ZDHHC14: variants seen among roughly 807,000 people sequenced by gnomAD.
ZDHHC14 encodes palmitoyltransferase ZDHHC14.
A neutral mutation model predicts 47.7 loss-of-function variants in ZDHHC14; 16 were observed. The observed-to-expected ratio is 0.34, with a 90% confidence interval of 0.23 to 0.51. The LOEUF (loss-of-function observed/expected upper bound fraction) is 0.51. Among genes scored for constraint, ZDHHC14 ranks in the 20% least tolerant of loss-of-function variants. ZDHHC14 has a pLI of 0.97. For missense variants in ZDHHC14, 515 were observed against 662.5 expected (o/e 0.78, Z 2.44); for synonymous variants, 293 against 278.9 (o/e 1.05, Z -0.50).
chr6:157,465,452 A>G (rs1287227470), intron 1 of ZDHHC14, among the ~76,000 whole-genome samples: 4 of 152,120 alleles, frequency 2.6e-5, no homozygotes, highest in Non-Finnish European at 5.9e-5. Flanking sequence ...CATTAAAACA[A>G]TGGCCACCCC....
intron 1 of ZDHHC14, among the ~76,000 whole-genome samples, chr6:157,452,020 G>T (rs1433795539): frequency 1.3e-5 from 2 of 152,164 alleles, no homozygotes; most frequent in Non-Finnish European, 1.5e-5. Flanking sequence ...GAGCTCTTAT[G>T]AATAATCCGG....
Position 157,673,171 on chromosome 6 carries a change from C to A in ZDHHC14, c.*49C>A, listed in dbSNP as rs1443589905. 2.0e-6 allele frequency: 3 copies of A among 1,508,746 alleles called. No homozygotes were observed. The highest frequency in any genetic ancestry group is 2.6e-6 in the Non-Finnish European group (3 of 1,139,376). 93.5% of individuals were successfully genotyped at this position (1,508,746 alleles called of 1,614,324 possible). A position where few individuals can be genotyped will look rare whatever the true frequency, so the allele number is the denominator to read the frequency against. ...ACACCAGAGGCTCCTCCATGGGCAGCAGGAGTGAGCGGAGGGGTGTGTCCC... is the reference window on the plus strand; with the variant it reads ...ACACCAGAGGCTCCTCCATGGGCAGAAGGAGTGAGCGGAGGGGTGTGTCCC... On this transcript the variant is annotated 3_prime_UTR_variant, in exon 9 of 9. Coordinates refer to ENST00000359775, the MANE Select transcript of ZDHHC14 (RefSeq NM_024630.3). This position sits in a 1 kb window ranked among gnomAD's most constrained non-coding sequence, Gnocchi z 5.4.
At chr6:157,459,281 A>G (rs1474741482) in intron 1 of ZDHHC14, among the ~76,000 whole-genome samples, 2 of 152,176 alleles carry the variant, frequency 1.3e-5, no homozygotes, top group Non-Finnish European at 2.9e-5. Context: ...TTCTGCCTAG[A>G]TGACAGAGCT....
At chr6:157,431,063 C>T (rs1778329964) in intron 1 of ZDHHC14, among the ~76,000 whole-genome samples, 1 of 152,196 alleles carries the variant, frequency 6.6e-6, no homozygotes, top group Non-Finnish European at 1.5e-5. Context: ...CACAGACTCC[C>T]ATCTGCCAGA....
chr6:157,505,191 T>C (rs1361005342), intron 1 of ZDHHC14, among the ~76,000 whole-genome samples: 3 of 152,240 alleles, frequency 2.0e-5, no homozygotes, highest in African/African-American at 7.2e-5. Context: ...TAAAACTATG[T>C]TTAAAAGCAA....
intron 1 of ZDHHC14, among the ~76,000 whole-genome samples, chr6:157,444,729 C>T (rs956054727): frequency 1.3e-5 from 2 of 151,160 alleles, no homozygotes; most frequent in Non-Finnish European, 2.9e-5. Context: ...AAGTCAGTAA[C>T]ACTTTTCCCA....
rs142104132 is a variant in ZDHHC14 at position 157,438,213 on chromosome 6, G to T, written c.245+55947G>T. Among the ~76,000 whole-genome samples the T allele has an allele frequency of 2.0e-5, 3 of 152,274 alleles. No homozygotes were observed. In the East Asian group the frequency reaches 5.8e-4, roughly 29 times the overall value. ...TATACTTCTTGAACAGGTTGCTAAG[G>T]TGTCACAAATTTGGGCTTTCCTGGC... On this transcript the variant is annotated intron_variant, in intron 1 of 8. Transcript: ENST00000359775.
chr6:157,566,585 C>T (rs17165436), intron 2 of ZDHHC14, among the ~76,000 whole-genome samples: 85,276 of 151,996 alleles, frequency 0.56, 25,299 homozygotes, highest in African/African-American at 0.78. Flanking sequence ...AGGGTAGGTC[C>T]GAATGACACT....
At chr6:157,449,404 C>T (rs566065673) in intron 1 of ZDHHC14, among the ~76,000 whole-genome samples, 1 of 152,320 alleles carries the variant, frequency 6.6e-6, no homozygotes, top group East Asian at 1.9e-4. Context: ...GCATAATTTA[C>T]ATAAAATAAA....
At chr6:157,398,996 A>C (rs1777577749) in intron 1 of ZDHHC14, among the ~76,000 whole-genome samples, 2 of 152,316 alleles carry the variant, frequency 1.3e-5, no homozygotes, top group South Asian at 4.1e-4. Context: ...ACATGGATCA[A>C]AATAATTAAG....
chr6:157,433,700 G>T (rs1187568398), intron 1 of ZDHHC14, among the ~76,000 whole-genome samples: 1 of 152,234 alleles, frequency 6.6e-6, no homozygotes, highest in Non-Finnish European at 1.5e-5. Flanking sequence ...CCGAGTGTGT[G>T]TGCTCACACA....
intron 3 of ZDHHC14, among the ~76,000 whole-genome samples, chr6:157,594,110 C>A (rs1784023092): frequency 6.6e-6 from 1 of 152,230 alleles, no homozygotes; most frequent in Non-Finnish European, 1.5e-5. Context: ...TGATTGCCAG[C>A]ACTCTTCGTG....
intron 1 of ZDHHC14, among the ~76,000 whole-genome samples, chr6:157,412,722 G>A (rs532669851): frequency 3.9e-5 from 6 of 152,346 alleles, no homozygotes; most frequent in African/African-American, 1.2e-4. Flanking sequence ...AAGCACAAGC[G>A]CACCATAGTT....
At chr6:157,543,962 A>G (rs1781866503) in intron 2 of ZDHHC14, among the ~76,000 whole-genome samples, 1 of 152,134 alleles carries the variant, frequency 6.6e-6, no homozygotes, top group East Asian at 1.9e-4. Flanking sequence ...CTATCACTGC[A>G]TTTTTTTCCA....
chr6:157,402,455 C>T (rs1777664398), intron 1 of ZDHHC14, among the ~76,000 whole-genome samples: 1 of 152,074 alleles, frequency 6.6e-6, no homozygotes, highest in South Asian at 2.1e-4. Flanking sequence ...GAAATGCGCA[C>T]CTGCTGAGGT....
intron 1 of ZDHHC14, among the ~76,000 whole-genome samples, chr6:157,488,569 A>G (rs759766092): frequency 2.0e-5 from 3 of 152,220 alleles, no homozygotes; most frequent in Non-Finnish European, 2.9e-5. Context: ...TAAATCTCAG[A>G]TGGCCACAAG....
chr6:157,579,197 T>G (rs1333976854), intron 2 of ZDHHC14, among the ~76,000 whole-genome samples: 1 of 122,480 alleles, frequency 8.2e-6, no homozygotes, highest in African/African-American at 3.6e-5. Context: ...TGTGTTTTTT[T>G]TTTTTTTTTT....
At chr6:157,488,837 T>A (rs1779842461) in intron 1 of ZDHHC14, among the ~76,000 whole-genome samples, 1 of 152,198 alleles carries the variant, frequency 6.6e-6, no homozygotes, top group Non-Finnish European at 1.5e-5. Context: ...CCCGCCCCCC[T>A]TCCCAGGAGT....
intron 8 of ZDHHC14, among the ~76,000 whole-genome samples, chr6:157,654,732 TTC>T (rs893074395): frequency 7.0e-6 from 1 of 143,708 alleles, no homozygotes; most frequent in African/African-American, 2.8e-5. Flanking sequence ...ATAAAGCGTT[TTC>T]TCTCTCTTTT....
Sources: gnomAD v4.1 joint callset for allele counts (sites outside exome capture counted in the v4.1 genomes callset) on GRCh38, gnomAD v4.1.1 for gene constraint, Gnocchi (gnomAD v3.1) non-coding constraint, MANE v1.5 for transcripts, NCBI Gene and HGNC (gene_info 2026-07-23, HGNC 2026-07-21) for gene names.